The following COX7B2 variants were observed in gnomAD, a reference collection of about 807,000 sequenced individuals.
COX7B2 encodes the protein cytochrome c oxidase subunit 7B2, mitochondrial.
For missense variants in COX7B2, 109 were observed against 95.9 expected, an observed-to-expected ratio of 1.14 and a Z score of -0.57; for synonymous variants, 37 against 32.1, an observed-to-expected ratio of 1.15 and a Z score of -0.51.
chr4:46,799,252 A>C (rs754576975), intron 2 of COX7B2, among the ~76,000 whole-genome samples: 3 of 152,116 alleles, frequency 2.0e-5, no homozygotes, highest in Admixed American at 6.5e-5. Context: ...CCGATCTAGG[A>C]GGCTTTGGGC....
At chr4:46,865,699 C>A (rs946600320) in intron 1 of COX7B2, among the ~76,000 whole-genome samples, 3 of 152,242 alleles carry the variant, frequency 2.0e-5, no homozygotes, top group South Asian at 2.1e-4. Context: ...CCCCAGTTAA[C>A]CTAATTCAGT....
chr4:46,797,587 T>C (rs1257577753), intron 2 of COX7B2, among the ~76,000 whole-genome samples: 3 of 152,024 alleles, frequency 2.0e-5, no homozygotes, highest in Admixed American at 6.6e-5. Context: ...CCTAGGAAAA[T>C]AGTAAACCAA....
At chr4:46,884,227 G>A (rs980908146) in intron 1 of COX7B2, among the ~76,000 whole-genome samples, 4 of 152,074 alleles carry the variant, frequency 2.6e-5, no homozygotes, top group Non-Finnish European at 4.4e-5. Flanking sequence ...GTTTCACTTT[G>A]TAGCACAGGC....
At chr4:46,806,369 T>C (rs1010711474) in intron 2 of COX7B2, among the ~76,000 whole-genome samples, 4 of 152,062 alleles carry the variant, frequency 2.6e-5, no homozygotes, top group African/African-American at 4.8e-5. Flanking sequence ...AAAAAAACTT[T>C]TCCATGTCTT....
intron 2 of COX7B2, among the ~76,000 whole-genome samples, chr4:46,784,621 T>C (rs1717655673): frequency 2.0e-5 from 3 of 151,856 alleles, no homozygotes; most frequent in African/African-American, 7.3e-5. Flanking sequence ...CAAGACTGTC[T>C]CAAAAAAAAG....
intron 1 of COX7B2, among the ~76,000 whole-genome samples, chr4:46,869,147 T>A (rs1327680412): frequency 1.3e-5 from 2 of 152,192 alleles, no homozygotes; most frequent in Non-Finnish European, 2.9e-5. Flanking sequence ...TCTTTTTTGA[T>A]CTTTGTTGGT....
chr4:46,750,243 C>CACACACAT (rs1553879328), intron 2 of COX7B2, among the ~76,000 whole-genome samples: 2 of 147,902 alleles, frequency 1.4e-5, no homozygotes, highest in Admixed American at 6.8e-5. Flanking sequence ...CACACACACA[C>CACACACAT]ATTATCCAGG....
In COX7B2 at chr4:46,754,718, G is replaced by GTATATATATATATATA. The variant is rs1235318797; in HGVS notation, c.-49-19478_-49-19477insTATATATATATATATA. Among the ~76,000 whole-genome samples, 238 of 34,358 alleles carry GTATATATATATATATA rather than the reference G, an allele frequency of 6.9e-3. 4 individuals carry two copies. Among genetic ancestry groups the GTATATATATATATATA allele is most frequent in the East Asian group, 0.019 (15 of 794 alleles). 22.5% of individuals were successfully genotyped at this position (34,358 alleles called of 152,430 possible). Reference sequence around the variant, plus strand: ...AATACGTGTGTGTGTGTGTGTGTGTGTGTGTGTGTGTATATATATATATAT... The same window carrying GTATATATATATATATA: ...AATACGTGTGTGTGTGTGTGTGTGTGTATATATATATATATATGTGTGTGTGTATATATATATATAT... On this transcript the variant is annotated intron_variant, in intron 2 of 2. Coordinates refer to ENST00000355591, the MANE Select transcript of COX7B2 (RefSeq NM_130902.3).
chr4:46,758,044 A>G (rs1715903548), intron 2 of COX7B2, among the ~76,000 whole-genome samples: 1 of 152,028 alleles, frequency 6.6e-6, no homozygotes, highest in Non-Finnish European at 1.5e-5. Context: ...TTCTATAAGT[A>G]TTCTACAATA....
intron 2 of COX7B2, among the ~76,000 whole-genome samples, chr4:46,838,646 C>G (rs1577638486): frequency 6.6e-6 from 1 of 152,034 alleles, no homozygotes; most frequent in East Asian, 1.9e-4. Flanking sequence ...CACAGTTTCT[C>G]TCAAGTGGGT....
At chr4:46,839,998 C>T (rs1252423625) in intron 2 of COX7B2, among the ~76,000 whole-genome samples, 1 of 151,938 alleles carries the variant, frequency 6.6e-6, no homozygotes, top group African/African-American at 2.4e-5. Flanking sequence ...CAACAGTAAA[C>T]CCAGATAACA....
intron 1 of COX7B2, among the ~76,000 whole-genome samples, chr4:46,850,221 T>A (rs1440476473): frequency 6.6e-6 from 1 of 150,398 alleles, no homozygotes; most frequent in Non-Finnish European, 1.5e-5. Context: ...GATTTAATTT[T>A]AAATAATTTA....
At chr4:46,824,779 A>C (rs57317273) in intron 2 of COX7B2, among the ~76,000 whole-genome samples, 434 of 152,204 alleles carry the variant, frequency 2.9e-3, no homozygotes, top group African/African-American at 9.8e-3. Flanking sequence ...AAGACAAAAA[A>C]CACATGATTA....
chr4:46,765,810 A>C (rs1716499073), intron 2 of COX7B2, among the ~76,000 whole-genome samples: 1 of 151,854 alleles, frequency 6.6e-6, no homozygotes, highest in Non-Finnish European at 1.5e-5. Context: ...GGCCCATATT[A>C]GCATCAGGCC....
At chr4:46,907,483 C>T (rs546766962) in intron 1 of COX7B2, among the ~76,000 whole-genome samples, 127 of 152,208 alleles carry the variant, frequency 8.3e-4, no homozygotes, top group African/African-American at 2.8e-3. Context: ...CTTTCTCAGT[C>T]ACTGTTTTTG....
chr4:46,779,893 A>G (rs1438783190), intron 2 of COX7B2, among the ~76,000 whole-genome samples: 1 of 152,202 alleles, frequency 6.6e-6, no homozygotes, highest in Non-Finnish European at 1.5e-5. Context: ...TATGTGAAAT[A>G]CATTATTCTA....
Position 46,745,616 on chromosome 4 carries a change from A to AT in COX7B2, c.-49-10376dup, listed in dbSNP as rs903669521. On this transcript the variant is annotated intron_variant, in intron 2 of 2. Coordinates refer to ENST00000355591, the MANE Select transcript of COX7B2 (RefSeq NM_130902.3). ...CAGAGGGGCAAACTTTGGTACACTG[A>AT]TTTTTTTTTCCTTCTTGTAGATGCC... is the stretch of plus-strand genomic sequence containing the variant. Among the ~76,000 whole-genome samples, 906 of 151,794 alleles carry AT rather than the reference A, an allele frequency of 6.0e-3. 8 individuals are homozygous for AT. The highest frequency in any genetic ancestry group is 0.019 in the African/African-American group (775 of 41,428).
chr4:46,757,296 C>T (rs1715858671), intron 2 of COX7B2, among the ~76,000 whole-genome samples: 1 of 116,304 alleles, frequency 8.6e-6, no homozygotes, highest in South Asian at 3.0e-4. Context: ...TAGTAGACAC[C>T]AGAGACTATG....
intron 2 of COX7B2, among the ~76,000 whole-genome samples, chr4:46,835,789 C>T (rs1715477028): frequency 6.6e-6 from 1 of 152,090 alleles, no homozygotes; most frequent in Admixed American, 6.6e-5. Context: ...GCAATTTCAT[C>T]AACGTACAAA....
Sources: gnomAD v4.1 joint callset for allele counts (sites outside exome capture counted in the v4.1 genomes callset) on GRCh38, gnomAD v4.1.1 for gene constraint, MANE v1.5 for transcripts, NCBI Gene and HGNC (gene_info 2026-07-23, HGNC 2026-07-21) for gene names.